Variants in MEIKIN observed in about 807,000 individuals in gnomAD.
MEIKIN encodes meiosis-specific kinetochore protein.
At chr5:131,849,296 C>T (rs1238533207) in intron 11 of MEIKIN, among the ~76,000 whole-genome samples, 3 of 151,740 alleles carry the variant, frequency 2.0e-5, no homozygotes, top group Non-Finnish European at 4.4e-5. Flanking sequence ...CATTTTCTCT[C>T]TTCCTCCTGC....
chr5:131,850,530 T>C (rs1399183655), intron 11 of MEIKIN, among the ~76,000 whole-genome samples: 2 of 152,132 alleles, frequency 1.3e-5, no homozygotes, highest in Non-Finnish European at 2.9e-5. Context: ...CTCACATATA[T>C]GGTTAAATGA....
intron 9 of MEIKIN, among the ~76,000 whole-genome samples, chr5:131,862,663 T>C (rs1750307562): frequency 6.6e-6 from 1 of 152,118 alleles, no homozygotes; most frequent in Non-Finnish European, 1.5e-5. Context: ...ATTCCATACG[T>C]TTTGGTGTTT....
At chr5:131,888,302 TTGAACTA>T (rs1750839334) in intron 8 of MEIKIN, among the ~76,000 whole-genome samples, 1 of 141,920 alleles carries the variant, frequency 7.0e-6, no homozygotes, top group Non-Finnish European at 1.5e-5. Context: ...TCCACAATGG[TTGAACTA>T]GTTTACAGTC....
At chr5:131,907,275 A>T (rs1751257088) in intron 8 of MEIKIN, among the ~76,000 whole-genome samples, 1 of 152,080 alleles carries the variant, frequency 6.6e-6, no homozygotes. Flanking sequence ...ATGCATCTAA[A>T]AGAACTAAAA....
chr5:131,885,014 A>C (rs1040572859), intron 8 of MEIKIN, among the ~76,000 whole-genome samples: 2 of 152,162 alleles, frequency 1.3e-5, no homozygotes, highest in Non-Finnish European at 2.9e-5. Context: ...GCCACAGTAC[A>C]ACAGAAAACC....
At chr5:131,890,665 C>A (rs1252851460) in intron 8 of MEIKIN, among the ~76,000 whole-genome samples, 1 of 152,082 alleles carries the variant, frequency 6.6e-6, no homozygotes, top group African/African-American at 2.4e-5. Context: ...TTCAAAAAAC[C>A]AGCTCCTGGA....
intron 9 of MEIKIN, among the ~76,000 whole-genome samples, chr5:131,871,929 C>A (rs930324862): frequency 6.6e-6 from 1 of 152,190 alleles, no homozygotes; most frequent in African/African-American, 2.4e-5. Flanking sequence ...AGACCTGCAG[C>A]TGAGGGTCCT....
chr5:131,892,232 C>T (rs1750936532), intron 8 of MEIKIN, among the ~76,000 whole-genome samples: 1 of 152,062 alleles, frequency 6.6e-6, no homozygotes, highest in South Asian at 2.1e-4. Flanking sequence ...TTGTGGCGTT[C>T]TCTGTATTTC....
At chr5:131,826,567 C>A (rs1749611899) in intron 11 of MEIKIN, among the ~76,000 whole-genome samples, 2 of 152,144 alleles carry the variant, frequency 1.3e-5, no homozygotes. Flanking sequence ...GAGTTTGGCT[C>A]TGTGTCCCAC....
chr5:131,924,717 G>T (rs771104903), intron 5 of MEIKIN, among the ~76,000 whole-genome samples: 2 of 151,750 alleles, frequency 1.3e-5, no homozygotes. Flanking sequence ...AGTTCCTTAC[G>T]CATTTTAATT....
intron 9 of MEIKIN, among the ~76,000 whole-genome samples, chr5:131,865,496 G>A (rs866096782): frequency 1.5e-4 from 23 of 152,326 alleles, no homozygotes; most frequent in African/African-American, 4.8e-4. Flanking sequence ...CGGGATTACA[G>A]GCATGAGCCA....
At chr5:131,860,049 C>T in intron 9 of MEIKIN, among the ~76,000 whole-genome samples, 1 of 151,986 alleles carries the variant, frequency 6.6e-6, no homozygotes. Flanking sequence ...TTTTTTGGTT[C>T]CATATGAATT....
chr5:131,810,903 C>T (rs1171927260), intron 12 of MEIKIN, among the ~76,000 whole-genome samples: 1 of 152,140 alleles, frequency 6.6e-6, no homozygotes, highest in Non-Finnish European at 1.5e-5. Context: ...CCCTGTAGTC[C>T]TGATTAGATT....
chr5:131,829,168 T>C (rs1749668363), intron 11 of MEIKIN, among the ~76,000 whole-genome samples: 1 of 152,178 alleles, frequency 6.6e-6, no homozygotes, highest in Non-Finnish European at 1.5e-5. Flanking sequence ...CACTGGAAGC[T>C]AGAACTACAA....
chr5:131,849,368 T>C (rs1045349046), intron 11 of MEIKIN, among the ~76,000 whole-genome samples: 6 of 147,636 alleles, frequency 4.1e-5, no homozygotes, highest in Non-Finnish European at 6.0e-5. Flanking sequence ...ACCTCTTTTC[T>C]TTATATATAT....
chr5:131,899,640 A>T (rs188189102), intron 8 of MEIKIN, among the ~76,000 whole-genome samples: 1 of 152,286 alleles, frequency 6.6e-6, no homozygotes, highest in East Asian at 1.9e-4. Context: ...AAAGGGATGC[A>T]AAGAAATATT....
chr5:131,894,249 T>C (rs1750993413), intron 8 of MEIKIN, among the ~76,000 whole-genome samples: 1 of 151,232 alleles, frequency 6.6e-6, no homozygotes, highest in Non-Finnish European at 1.5e-5. Flanking sequence ...TTCTGTTCCA[T>C]TGGTCTACAT....
chr5:131,917,787 T>C (rs886741270), intron 6 of MEIKIN, among the ~76,000 whole-genome samples: 2 of 152,118 alleles, frequency 1.3e-5, no homozygotes, highest in African/African-American at 4.8e-5. Context: ...TATGTTAGAT[T>C]AGAATTTTTA....
At position 131,917,287 on chromosome 5, in the gene MEIKIN, C is replaced by T. The variant is rs141668620; in HGVS notation, c.599-362G>A. Reference sequence around the variant, plus strand: ...AACTGGTCAAATTACAAAACTAGGCCGGGCACAGTGGTTCACGCCTGTAAT... The same window carrying T: ...AACTGGTCAAATTACAAAACTAGGCTGGGCACAGTGGTTCACGCCTGTAAT... On this transcript the variant is annotated intron_variant, in intron 6 of 12. Transcript: ENST00000442687. Among the ~76,000 whole-genome samples the T allele has an allele frequency of 4.7e-3, 712 of 152,138 alleles. 8 individuals carry two copies. Among genetic ancestry groups the T allele is most frequent in the African/African-American group, 0.016 (675 of 41,512 alleles).
Sources: allele counts gnomAD v4.1 joint callset (sites outside exome capture counted in the v4.1 genomes callset), GRCh38; gene constraint gnomAD v4.1.1; transcripts MANE v1.5; gene names NCBI Gene and HGNC (gene_info 2026-07-23, HGNC 2026-07-21).